CA10: variants seen among roughly 807,000 people sequenced by gnomAD.
CA10 encodes carbonic anhydrase 10 (inactive), also known as carbonic anhydrase-related protein 10.
In CA10, 14 loss-of-function variants were observed where a neutral mutation model predicts 44.2. That is an observed-to-expected ratio of 0.32 (90% CI 0.21 to 0.50). CA10 has a LOEUF of 0.50. Ranked by LOEUF, CA10 falls within the 20% of genes least tolerant of loss-of-function variation. The pLI is 0.99. For synonymous variants in CA10, 159 were observed against 141.6 expected, an observed-to-expected ratio of 1.12 and a Z score of -0.87; for missense variants, 350 against 409.7, an observed-to-expected ratio of 0.85 and a Z score of 1.26.
chr17:51,837,079 A>AAC (rs5820881), intron 3 of CA10, among the ~76,000 whole-genome samples: 52,034 of 149,814 alleles, frequency 0.35, 9,549 homozygotes, highest in Middle Eastern at 0.44. Flanking sequence ...GAGTTCAGAC[A>AAC]ACACACACAC....
intron 6 of CA10, among the ~76,000 whole-genome samples, chr17:51,637,021 T>C: frequency 6.6e-6 from 1 of 152,206 alleles, no homozygotes; most frequent in East Asian, 1.9e-4. Context: ...CTGTTAATTT[T>C]TTTAGTCAAT....
At chr17:51,694,822 G>A (rs939954376) in intron 4 of CA10, among the ~76,000 whole-genome samples, 2 of 152,096 alleles carry the variant, frequency 1.3e-5, no homozygotes, top group Non-Finnish European at 2.9e-5. Flanking sequence ...TCTTGAGTGA[G>A]TTGACTTTTG....
In CA10 at chr17:51,939,794, T is replaced by C. The variant is rs147665014; in HGVS notation, c.137-8662A>G. Among the ~76,000 whole-genome samples the C allele has an allele frequency of 1.2e-3, 189 of 152,206 alleles. 5 individuals are homozygous for C. In the South Asian group the frequency reaches 0.023, roughly 18 times the overall value. ...TCAGCTGTCATGTGAATTATGGAGA[T>C]ATTAACCTTTTGTGACATGGTATAA... On this transcript the variant is annotated intron_variant, in intron 2 of 8. Coordinates refer to ENST00000451037, the MANE Select transcript of CA10 (RefSeq NM_020178.5).
chr17:51,772,522 T>A (rs1905649877), intron 3 of CA10, among the ~76,000 whole-genome samples: 1 of 152,112 alleles, frequency 6.6e-6, no homozygotes, highest in African/African-American at 2.4e-5. Flanking sequence ...AAATATTGAC[T>A]AAATCCTGGA....
chr17:51,881,347 C>A (rs1980366320), intron 3 of CA10, among the ~76,000 whole-genome samples: 1 of 150,990 alleles, frequency 6.6e-6, no homozygotes, highest in Admixed American at 6.6e-5. Flanking sequence ...AAATTAATAG[C>A]ATAATGTTTT....
intron 1 of CA10, among the ~76,000 whole-genome samples, chr17:52,072,716 C>CA (rs1555564013): frequency 3.6e-4 from 44 of 123,466 alleles, no homozygotes; most frequent in African/African-American, 1.4e-3. Flanking sequence ...CACACACACA[C>CA]AACACACACA....
intron 4 of CA10, 114 bp from the exon 5 acceptor site, chr17:51,653,850 G>A: frequency 1.5e-6 from 1 of 672,244 alleles, no homozygotes; most frequent in African/African-American, 1.8e-5. Flanking sequence ...GAACAATTTG[G>A]AAGACAATTT....
At chr17:52,065,299 C>G (rs1187244321) in intron 2 of CA10, among the ~76,000 whole-genome samples, 1 of 152,210 alleles carries the variant, frequency 6.6e-6, no homozygotes, top group Non-Finnish European at 1.5e-5. Flanking sequence ...GCATGTACTA[C>G]AGATTGTACT....
intron 3 of CA10, among the ~76,000 whole-genome samples, chr17:51,749,468 AGACG>A (rs1398237190): frequency 6.6e-6 from 1 of 152,244 alleles, no homozygotes; most frequent in African/African-American, 2.4e-5. Context: ...GAGGCCGTCT[AGACG>A]GGCTACTCTG....
At chr17:51,797,013 A>G (rs949349515) in intron 3 of CA10, among the ~76,000 whole-genome samples, 1 of 152,118 alleles carries the variant, frequency 6.6e-6, no homozygotes, top group Admixed American at 6.5e-5. Context: ...GAAGCATCTC[A>G]TACACACTTA....
intron 3 of CA10, among the ~76,000 whole-genome samples, chr17:51,842,251 T>A (rs951766625): frequency 1.3e-5 from 2 of 152,148 alleles, no homozygotes; most frequent in African/African-American, 2.4e-5. Context: ...TTATTTTTTT[T>A]AAAGAGAAAA....
chr17:51,742,914 G>T (rs564293622), intron 4 of CA10, among the ~76,000 whole-genome samples: 1 of 152,310 alleles, frequency 6.6e-6, no homozygotes, highest in African/African-American at 2.4e-5. Flanking sequence ...TCTAGTGAGA[G>T]CTATTTCATA....
chr17:52,051,302 A>T (rs1378604918), intron 2 of CA10, among the ~76,000 whole-genome samples: 2 of 152,108 alleles, frequency 1.3e-5, no homozygotes, highest in Admixed American at 1.3e-4. Flanking sequence ...GACAAATGGG[A>T]TCTAATTAAA....
chr17:52,086,990 C>T (rs1220680622), intron 1 of CA10, among the ~76,000 whole-genome samples: 1 of 152,152 alleles, frequency 6.6e-6, no homozygotes, highest in African/African-American at 2.4e-5. Flanking sequence ...CAAGAATGTG[C>T]ACCTTCTCTC....
At chr17:52,083,519 T>A (rs1360102958) in intron 1 of CA10, among the ~76,000 whole-genome samples, 1 of 152,234 alleles carries the variant, frequency 6.6e-6, no homozygotes, top group Non-Finnish European at 1.5e-5. Flanking sequence ...CTCACCTTAA[T>A]GGGTATATTA....
At chr17:51,898,819 T>C (rs888403038) in intron 3 of CA10, among the ~76,000 whole-genome samples, 2 of 152,122 alleles carry the variant, frequency 1.3e-5, no homozygotes, top group African/African-American at 2.4e-5. Context: ...TCTTCTAGGT[T>C]TTATAGTATG....
intron 4 of CA10, among the ~76,000 whole-genome samples, chr17:51,658,290 A>G (rs1257572149): frequency 6.6e-6 from 1 of 152,224 alleles, no homozygotes; most frequent in African/African-American, 2.4e-5. Flanking sequence ...GCTGAGGTCA[A>G]TTGGAATAAG....
chr17:52,084,531 G>A (rs1446238802), intron 1 of CA10, among the ~76,000 whole-genome samples: 1 of 152,170 alleles, frequency 6.6e-6, no homozygotes, highest in Non-Finnish European at 1.5e-5. Context: ...TGTCTGGAGA[G>A]TTGTATCTGA....
intron 2 of CA10, among the ~76,000 whole-genome samples, chr17:52,018,757 A>G (rs1371638218): frequency 6.6e-6 from 1 of 152,104 alleles, no homozygotes; most frequent in Non-Finnish European, 1.5e-5. Flanking sequence ...TGAACATGAA[A>G]TTTGGAGGAC....
Sources: allele counts gnomAD v4.1 joint callset (sites outside exome capture counted in the v4.1 genomes callset), GRCh38; gene constraint gnomAD v4.1.1; transcripts MANE v1.5; gene names NCBI Gene and HGNC (gene_info 2026-07-23, HGNC 2026-07-21).